The following TRPM4 variants were observed in gnomAD, a reference collection of about 807,000 sequenced individuals.
TRPM4 encodes the protein transient receptor potential cation channel subfamily M member 4.
TRPM4 carries 124 observed loss-of-function variants against 135.6 expected under a neutral mutation model. That is an observed-to-expected ratio of 0.91 (90% CI 0.79 to 1.06). TRPM4 has a LOEUF of 1.06. Among genes scored for constraint, TRPM4 ranks in the 50% least tolerant of loss-of-function variants. The pLI, the probability that TRPM4 is intolerant of heterozygous loss-of-function variation, is 0.00. For synonymous variants in TRPM4, 745 were observed against 705.6 expected, an observed-to-expected ratio of 1.06 and a Z score of -0.88; for missense variants, 1,658 against 1,671.4, an observed-to-expected ratio of 0.99 and a Z score of 0.14.
chr19:49,180,310 C>T (rs1182691536), intron 9 of TRPM4, among the ~76,000 whole-genome samples: 1 of 152,002 alleles, frequency 6.6e-6, no homozygotes, highest in Non-Finnish European at 1.5e-5. Context: ...GTTTCAGTGA[C>T]CTCCAGGGTC....
At chr19:49,166,500 C>G (rs1369821269) in intron 3 of TRPM4, among the ~76,000 whole-genome samples, 1 of 53,024 alleles carries the variant, frequency 1.9e-5, no homozygotes, top group Non-Finnish European at 4.2e-5. Context: ...CTCTGTCCCC[C>G]TCTCTCTCTG....
intron 20 of TRPM4, among the ~76,000 whole-genome samples, chr19:49,209,123 T>C (rs539700001): frequency 7.9e-5 from 12 of 152,328 alleles, no homozygotes; most frequent in African/African-American, 2.9e-4. Context: ...ATAAATCCCA[T>C]TTCGTTATGG....
At position 49,171,994 on chromosome 19, in the gene TRPM4, C is replaced by A. The variant is rs775890774; in HGVS notation, c.1051-15C>A. On this transcript the variant is annotated splice_polypyrimidine_tract_variant and intron_variant, in intron 8 of 24. Coordinates refer to ENST00000252826, the MANE Select transcript of TRPM4 (RefSeq NM_017636.4). This position sits in a 1 kb window ranked among gnomAD's most constrained non-coding sequence, Gnocchi z 4.7. ...ATGGAGGCGGGCTAGGGATGCAGAA[C>A]TGGCTATTCCACAGGTGGAGAGGAT... The A allele has an allele frequency of 6.0e-5, 97 of 1,607,062 alleles. No individual in the cohort carries two copies. The highest frequency in any genetic ancestry group is 7.8e-5 in the Non-Finnish European group (92 of 1,173,786).
At chr19:49,207,143 CTTGTTTAA>C (rs2145987896) in intron 20 of TRPM4, among the ~76,000 whole-genome samples, 1 of 151,522 alleles carries the variant, frequency 6.6e-6, no homozygotes, top group South Asian at 2.1e-4. Context: ...TATTTTTTTT[CTTGTTTAA>C]TTGTTCTAGC....
Position 49,211,185 on chromosome 19 carries a change from C to G in TRPM4, c.3556C>G (p.Leu1186Val). 1.2e-6 allele frequency: 2 copies of G among 1,604,734 alleles called. No individual in the cohort carries two copies. Among genetic ancestry groups the G allele is most frequent in the Non-Finnish European group, 1.7e-6 (2 of 1,176,336 alleles). ...GCAGGTCCAGCAGTGTAGCCGCGTCCTGGGGTGGGTGGCCGAGGCCCTGAG... is the reference window on the plus strand; with the variant it reads ...GCAGGTCCAGCAGTGTAGCCGCGTCGTGGGGTGGGTGGCCGAGGCCCTGAG... ...EREVQQCSRV[L>V]GWVAEALSRS... Residue 1186 changes from leucine to valine, a missense_variant, in exon 24 of 25, where the codon CTG becomes GTG. This residue lies in a region of TRPM4 where 1,412 missense variants were observed against 1,408.7 expected (regional missense o/e 1.00). Coordinates refer to ENST00000252826, the MANE Select transcript of TRPM4 (RefSeq NM_017636.4). The surrounding 1 kb of genome is among the most constrained non-coding windows in gnomAD (Gnocchi z 4.8).
rs185251105 is a variant in TRPM4 at position 49,181,754 on chromosome 19, G to A, written c.1263+293G>A. On this transcript the variant is annotated intron_variant, in intron 10 of 24. Transcript: ENST00000252826. The stretch of plus-strand genomic sequence containing the variant: ...TCACTATGTTAGCCAGGATGGTCTC[G>A]ATCTCCTGACCTTGTGATCCGCCCG... Among the ~76,000 whole-genome samples, 184 of 151,890 alleles carry A rather than the reference G, an allele frequency of 1.2e-3. 4 individuals are homozygous for A. The East Asian group carries it at 0.03, about 25-fold the overall frequency.
chr19:49,189,426 A>G (rs1397795268), intron 14 of TRPM4, among the ~76,000 whole-genome samples: 1 of 152,172 alleles, frequency 6.6e-6, no homozygotes, highest in African/African-American at 2.4e-5. Context: ...TTTCAAAGGA[A>G]GTCCTAGCTC....
chr19:49,164,385 T>TG (rs1331510963), intron 2 of TRPM4, among the ~76,000 whole-genome samples: 3 of 117,946 alleles, frequency 2.5e-5, no homozygotes, highest in Non-Finnish European at 5.3e-5. Flanking sequence ...TTTTTTTTTT[T>TG]TTTTTTTTTT....
chr19:49,198,616 C>A (rs1968786931), intron 17 of TRPM4, among the ~76,000 whole-genome samples: 1 of 139,972 alleles, frequency 7.1e-6, no homozygotes, highest in African/African-American at 2.7e-5. Flanking sequence ...CCACTGCACT[C>A]TAGCCTGGGT....
At chr19:49,177,620 CT>C (rs1180749207) in intron 9 of TRPM4, among the ~76,000 whole-genome samples, 9 of 152,196 alleles carry the variant, frequency 5.9e-5, no homozygotes, top group African/African-American at 2.2e-4. Flanking sequence ...GCCACCACCC[CT>C]GGCCCATGAA....
intron 16 of TRPM4, among the ~76,000 whole-genome samples, chr19:49,193,257 A>G (rs1321936496): frequency 6.6e-6 from 1 of 151,362 alleles, no homozygotes; most frequent in Non-Finnish European, 1.5e-5. Flanking sequence ...ATTTTTTTGT[A>G]TTTTTAGTAG....
At chr19:49,180,635 C>T (rs1284943396) in intron 9 of TRPM4, among the ~76,000 whole-genome samples, 1 of 151,990 alleles carries the variant, frequency 6.6e-6, no homozygotes, top group African/African-American at 2.4e-5. Context: ...GTGACCATAT[C>T]CTCCTCTGGG....
intron 3 of TRPM4, among the ~76,000 whole-genome samples, chr19:49,166,447 TCC>T (rs201139330): frequency 2.1e-3 from 310 of 146,802 alleles, no homozygotes; most frequent in Non-Finnish European, 2.9e-3. Context: ...TGGGTCTCTG[TCC>T]CCCTCTCTCT....
In TRPM4 at chr19:49,188,688, G is replaced by A. The variant is rs530167558; in HGVS notation, c.1791G>A (p.Arg597=). Residue 597 remains arginine (R), a synonymous_variant, in exon 13 of 25, where the codon CGG becomes CGA. Coordinates refer to ENST00000252826, the MANE Select transcript of TRPM4 (RefSeq NM_017636.4). ...SSALGACLLL[R]VMARLEPDAE... ...CTCTTGGGGCCTGTTTGCTGCTCCG[G>A]GTGATGGCACGCCTGGAGCCTGACG... 1.2e-6 allele frequency: 2 copies of A among 1,614,208 alleles called. No homozygotes were observed. The highest frequency in any genetic ancestry group is 8.5e-7 in the Non-Finnish European group (1 of 1,180,048).
rs1470697380 is a variant in TRPM4 at position 49,210,793 on chromosome 19, A to G, written c.3412A>G (p.Arg1138Gly). 4 of 1,613,902 alleles carry G rather than the reference A, an allele frequency of 2.5e-6. No individual in the cohort carries two copies. Among genetic ancestry groups the G allele is most frequent in the African/African-American group, 1.3e-5 (1 of 75,052 alleles). The change falls in exon 22 of 25, where the codon AGG (arginine) becomes GGG (glycine). Residue 1138 changes from arginine to glycine, a missense_variant. By Grantham distance (125) the Arg-to-Gly change is moderately radical. This residue lies in a region of TRPM4 where 1,412 missense variants were observed against 1,408.7 expected (regional missense o/e 1.00). Coordinates refer to ENST00000252826, the MANE Select transcript of TRPM4 (RefSeq NM_017636.4). This position sits in a 1 kb window ranked among gnomAD's most constrained non-coding sequence, Gnocchi z 4.1. Reference sequence around the variant, plus strand: ...GGAGAACTTTCTGCTGGCACGCGCTAGGGACAAGCGGGAGAGCGACTCCGA... The same window carrying G: ...GGAGAACTTTCTGCTGGCACGCGCTGGGGACAAGCGGGAGAGCGACTCCGA... ...HKENFLLARA[R>G]DKRESDSERL...
At position 49,200,328 on chromosome 19, in the gene TRPM4, C is replaced by G; in HGVS notation, c.2674C>G (p.Arg892Gly). 1.2e-6 allele frequency: 2 copies of G among 1,614,088 alleles called. No homozygotes were observed. The highest frequency in any genetic ancestry group is 1.7e-6 in the Non-Finnish European group (2 of 1,180,030). ...RLTPGLYHLG[R>G]TVLCIDFMVF... ...GACCCCGGGTTTGTACCACCTGGGC[C>G]GCACTGTCCTCTGCATCGACTTCAT... The change falls in exon 18 of 25, where the codon CGC (arginine) becomes GGC (glycine). Residue 892 changes from arginine to glycine, a missense_variant. Physicochemically the swap from Arg to Gly is moderately radical, Grantham distance 125. Coordinates refer to ENST00000252826, the MANE Select transcript of TRPM4 (RefSeq NM_017636.4).
chr19:49,210,650 G>C lies in TRPM4; in HGVS notation c.3329-60G>C. ...GTGCGTGTTCTGAGGGTGTCGGAAG[G>C]GGCAGCTGGGATTGGGAAGGGGCGT... On this transcript the variant is annotated intron_variant, in intron 21 of 24. Coordinates refer to ENST00000252826, the MANE Select transcript of TRPM4 (RefSeq NM_017636.4). This position sits in a 1 kb window ranked among gnomAD's most constrained non-coding sequence, Gnocchi z 4.1. The C allele has an allele frequency of 6.2e-7, 1 of 1,613,040 alleles. No homozygotes were observed. Among genetic ancestry groups the C allele is most frequent in the Non-Finnish European group, 8.5e-7 (1 of 1,179,568 alleles).
At chr19:49,175,664 CT>C (rs545301831) in intron 9 of TRPM4, among the ~76,000 whole-genome samples, 31,458 of 139,688 alleles carry the variant, frequency 0.23, 2,704 homozygotes, top group South Asian at 0.33. Context: ...CTTTCTTTTT[CT>C]TTTTTTTTTT....
rs1968863458 is a variant in TRPM4, at chr19:49,200,292, C to T, written c.2646-8C>T. The T allele has an allele frequency of 2.5e-6, 4 of 1,614,042 alleles. No individual in the cohort carries two copies. The highest frequency in any genetic ancestry group is 1.3e-5 in the African/African-American group (1 of 74,916). ...ACTTGACCCTTGTGGCATCTCCCCA[C>T]ACCCCAGGCTGACCCCGGGTTTGTA... On this transcript the variant is annotated splice_polypyrimidine_tract_variant and splice_region_variant and intron_variant, in intron 17 of 24. Transcript: ENST00000252826.
Sources: allele counts gnomAD v4.1 joint callset (sites outside exome capture counted in the v4.1 genomes callset), GRCh38; gene constraint gnomAD v4.1.1; regional missense constraint gnomAD v4.1.1; non-coding constraint Gnocchi (gnomAD v3.1); transcripts MANE v1.5; gene names NCBI Gene and HGNC (gene_info 2026-07-23, HGNC 2026-07-21).